Variants in CNTRL observed in about 807,000 individuals in gnomAD.
CNTRL encodes the protein centriolin.
A neutral mutation model predicts 303.7 loss-of-function variants in CNTRL; 233 were observed. The observed-to-expected ratio is 0.77, with a 90% CI of 0.69 to 0.86. The LOEUF is 0.86. Ranked by LOEUF, CNTRL falls within the 40% of genes least tolerant of loss-of-function variation. The pLI is 0.00. For missense variants in CNTRL, 2,524 were observed against 2,650.6 expected, an observed-to-expected ratio of 0.95 and a Z score of 1.05; for synonymous variants, 900 against 922.2, an observed-to-expected ratio of 0.98 and a Z score of 0.44.
At chr9:121,087,147 A>T (rs1461990737) in intron 2 of CNTRL, among the ~76,000 whole-genome samples, 1 of 152,202 alleles carries the variant, frequency 6.6e-6, no homozygotes, top group Non-Finnish European at 1.5e-5. Flanking sequence ...AGTAAGAATT[A>T]ACAGGATTTA....
At chr9:121,084,455 G>T (rs1005974087) in intron 2 of CNTRL, among the ~76,000 whole-genome samples, 4 of 151,984 alleles carry the variant, frequency 2.6e-5, no homozygotes, top group African/African-American at 9.7e-5. Context: ...TTTACCATTT[G>T]CTAGGCTCTG....
At chr9:121,094,799 C>T in intron 4 of CNTRL, 89 bp from the exon 5 acceptor site, 1 of 989,134 alleles carries the variant, frequency 1.0e-6, no homozygotes, top group Non-Finnish European at 1.5e-6. Context: ...GATGACTGAT[C>T]AAACAGACCC....
At chr9:121,150,668 C>G in intron 25 of CNTRL, 185 bp downstream of exon 25, 1 of 617,508 alleles carries the variant, frequency 1.6e-6, no homozygotes. Flanking sequence ...GTGGCATGTG[C>G]CTATAATCCG....
intron 19 of CNTRL, among the ~76,000 whole-genome samples, chr9:121,142,623 A>G (rs891139489): frequency 6.6e-6 from 1 of 152,098 alleles, no homozygotes; most frequent in Non-Finnish European, 1.5e-5. Flanking sequence ...CCTTTCTAAT[A>G]CCCCTGCCTC....
At chr9:121,144,761 A>T in intron 20 of CNTRL, 82 bp from the exon 21 acceptor site, 1 of 1,077,172 alleles carries the variant, frequency 9.3e-7, no homozygotes, top group Admixed American at 1.7e-5. Flanking sequence ...TGATGAAAGC[A>T]GAAGAATCAA....
At chr9:121,162,710 A>G (rs1350155565) in intron 34 of CNTRL, among the ~76,000 whole-genome samples, 6 of 152,316 alleles carry the variant, frequency 3.9e-5, no homozygotes, top group South Asian at 4.1e-4. Flanking sequence ...TAGAATTTAT[A>G]CAATTTTTTA....
chr9:121,084,576 G>A (rs750000592), intron 2 of CNTRL, among the ~76,000 whole-genome samples: 5 of 146,404 alleles, frequency 3.4e-5, no homozygotes, highest in Non-Finnish European at 7.4e-5. Context: ...ATGGAGTCTC[G>A]CTTTGTCACC....
intron 20 of CNTRL, among the ~76,000 whole-genome samples, chr9:121,144,298 A>C (rs1003267323): frequency 6.6e-6 from 1 of 152,192 alleles, no homozygotes; most frequent in Non-Finnish European, 1.5e-5. Context: ...CTGAGCCCTG[A>C]AAGGAATCAT....
chr9:121,094,953 G>A lies in CNTRL; in HGVS notation c.414G>A (p.Gly138=), dbSNP rs192819463. 18 of 1,601,360 alleles carry A rather than the reference G, an allele frequency of 1.1e-5. No individual in the cohort carries two copies. In the South Asian group the frequency reaches 1.9e-4, roughly 17 times the overall value. Residue 138 remains glycine, a synonymous_variant, in exon 5 of 44, where the codon GGG becomes GGA. Transcript: ENST00000373855. The stretch of plus-strand genomic sequence containing the variant: ...TGAATCTCAGCTATAATCTAATAGG[G>A]AAGATTGAAAAGTTGGACAAGCTGT... ...EVLNLSYNLI[G]KIEKLDKLLK...
chr9:121,144,788 G>T, intron 20 of CNTRL, 55 bp from the exon 21 acceptor site: 1 of 1,339,320 alleles, frequency 7.5e-7, no homozygotes, highest in South Asian at 1.2e-5. Context: ...AGGAAGAAAT[G>T]AAGAAGACAA....
chr9:121,114,149 C>G (rs568547779), intron 10 of CNTRL, among the ~76,000 whole-genome samples: 32 of 152,354 alleles, frequency 2.1e-4, no homozygotes, highest in Admixed American at 8.5e-4. Context: ...GAAGGCTAGC[C>G]TCTGACTTTT....
chr9:121,128,987 TC>T (rs1458743097), intron 14 of CNTRL, among the ~76,000 whole-genome samples: 2 of 152,228 alleles, frequency 1.3e-5, no homozygotes, highest in African/African-American at 4.8e-5. Flanking sequence ...TCTGTTCTGT[TC>T]CATTGGTCTA....
chr9:121,157,874 C>T lies in CNTRL; in HGVS notation c.4631C>T (p.Thr1544Ile), dbSNP rs766032170. ...QCLSKKKEKLTEELQKLQKDI... is the reference protein window; with the variant it reads ...QCLSKKKEKLIEELQKLQKDI... ...TTAAGCAAGAAGAAGGAAAAACTGA[C>T]AGAAGAGTAAGTAAGGCCTCTGTAG... The change falls in exon 29 of 44, where the codon ACA becomes ATA. Residue 1544 changes from threonine to isoleucine, a missense_variant. By Grantham distance (89) the Thr-to-Ile change is moderately conservative. Transcript: ENST00000373855. 6 of 1,613,966 alleles carry T rather than the reference C, an allele frequency of 3.7e-6. No homozygotes were observed. Among genetic ancestry groups the T allele is most frequent in the Non-Finnish European group, 5.1e-6 (6 of 1,179,974 alleles).
At chr9:121,120,885 T>C (rs1396225628) in intron 12 of CNTRL, among the ~76,000 whole-genome samples, 1 of 152,210 alleles carries the variant, frequency 6.6e-6, no homozygotes, top group Non-Finnish European at 1.5e-5. Flanking sequence ...AAATTACTAA[T>C]AGTTCTTAAG....
chr9:121,121,966 C>T, intron 12 of CNTRL: 1 of 978,668 alleles, frequency 1.0e-6, no homozygotes. Flanking sequence ...GATATTTTTT[C>T]TCTCTCTGTA....
chr9:121,161,131 A>AGC (rs1464223133), intron 32 of CNTRL, among the ~76,000 whole-genome samples: 1 of 86,716 alleles, frequency 1.2e-5, no homozygotes, highest in Non-Finnish European at 2.6e-5. Flanking sequence ...AAAATGTGTG[A>AGC]GAGTGTGTGT....
chr9:121,141,454 C>A lies in CNTRL; in HGVS notation c.2557C>A (p.Arg853Ser). Residue 853 changes from arginine (R) to serine (S), a missense_variant, in exon 18 of 44, where the codon CGC (arginine) becomes AGC (serine). Transcript: ENST00000373855. ...LQKQFSEILA[R>S]SKWERDEAQV... ...GAAACAATTCAGTGAAATTCTTGCA[C>A]GCTCCAAGTGGGAAAGAGATGAAGC... 1 of 1,613,972 alleles carries A rather than the reference C, an allele frequency of 6.2e-7. No homozygotes were observed. Among genetic ancestry groups the A allele is most frequent in the Non-Finnish European group, 8.5e-7 (1 of 1,179,930 alleles).
chr9:121,146,387 G>A, intron 23 of CNTRL, 131 bp downstream of exon 23: 2 of 895,870 alleles, frequency 2.2e-6, no homozygotes, highest in South Asian at 4.0e-5. Context: ...TTGAGGTTCT[G>A]TAGCGTTTTT....
intron 7 of CNTRL, among the ~76,000 whole-genome samples, chr9:121,099,229 A>G (rs929103412): frequency 6.6e-6 from 1 of 152,186 alleles, no homozygotes; most frequent in African/African-American, 2.4e-5. Flanking sequence ...AGGCAGCAAC[A>G]TTTGCCGTTC....
Sources: allele counts gnomAD v4.1 joint callset (sites outside exome capture counted in the v4.1 genomes callset), GRCh38; gene constraint gnomAD v4.1.1; transcripts MANE v1.5; gene names NCBI Gene and HGNC (gene_info 2026-07-23, HGNC 2026-07-21).